The following DNPEP variants were observed in gnomAD, a reference collection of about 807,000 sequenced individuals.
DNPEP encodes the protein aspartyl aminopeptidase.
A neutral mutation model predicts 59.1 loss-of-function variants in DNPEP; 46 were observed. That is an observed-to-expected ratio of 0.78 (90% CI 0.61 to 0.99). The LOEUF (loss-of-function observed/expected upper bound fraction) is 0.99, where lower values mean the gene tolerates loss of function less well. Ranked by LOEUF, DNPEP falls within the 50% of genes least tolerant of loss-of-function variation. The pLI is 0.00. For synonymous variants in DNPEP, 229 were observed against 242.2 expected, an observed-to-expected ratio of 0.95 and a Z score of 0.50; for missense variants, 617 against 649.9, an observed-to-expected ratio of 0.95 and a Z score of 0.55.
rs77463785 is a variant in DNPEP, at chr2:219,382,084, C to T, written c.992G>A (p.Arg331Gln). 15 of 1,613,862 alleles carry T rather than the reference C, an allele frequency of 9.3e-6. No individual in the cohort carries two copies. Among genetic ancestry groups the T allele is most frequent in the African/African-American group, 6.7e-5 (5 of 75,054 alleles). The change falls in exon 11 of 15, where the codon CGG becomes CAG. Residue 331 changes from arginine (R) to glutamine (Q), a missense_variant. Physicochemically the swap from Arg to Gln is conservative, Grantham distance 43. Transcript: ENST00000273075. ...GTGCTGGCACGAGGCTGAGATCCGC[C>T]GCAGCACCAGCTCTGTCAGCAGTGA... Reference protein sequence around the residue: ...AQSLLTELVLRRISASCQHPT... With the variant: ...AQSLLTELVLQRISASCQHPT...
rs745875763 is a variant in DNPEP at position 219,386,654 on chromosome 2, G to A, written c.333+11C>T. ...ATCTCCTCCCACCCCAACACCGTCCGAGTTCCTTACCCGGAGGCAGGGGCT... is the reference window on the plus strand; with the variant it reads ...ATCTCCTCCCACCCCAACACCGTCCAAGTTCCTTACCCGGAGGCAGGGGCT... On this transcript the variant is annotated intron_variant, in intron 4 of 14. Transcript: ENST00000273075. The A allele has an allele frequency of 2.1e-5, 34 of 1,606,726 alleles. No homozygotes were observed. The highest frequency in any genetic ancestry group is 2.6e-5 in the Non-Finnish European group (31 of 1,177,070).
chr2:219,382,602 C>G (rs980519938), intron 10 of DNPEP, among the ~76,000 whole-genome samples: 1 of 152,186 alleles, frequency 6.6e-6, no homozygotes, highest in African/African-American at 2.4e-5. Context: ...GCCCTTAAAG[C>G]CAGGGGGTGT....
At chr2:219,397,458 T>C (rs1954117830) in intron 1 of DNPEP, among the ~76,000 whole-genome samples, 1 of 152,150 alleles carries the variant, frequency 6.6e-6, no homozygotes, top group Non-Finnish European at 1.5e-5. Context: ...TTCAGCCTCC[T>C]GGATTCAAGT....
At chr2:219,395,006 A>G (rs1259953122) in intron 1 of DNPEP, among the ~76,000 whole-genome samples, 1 of 151,738 alleles carries the variant, frequency 6.6e-6, no homozygotes, top group Admixed American at 6.6e-5. Flanking sequence ...CCCAGGCTGG[A>G]GTGCAGTGGT....
rs1211573258 is a variant in DNPEP at position 219,387,020 on chromosome 2, G to A, written c.131-40C>T. ...CCCTCTCACAGCGATGGAAGCTGGT[G>A]AAGGGCGCATCAGCCTCCACCCTCC... On this transcript the variant is annotated intron_variant, in intron 2 of 14. Transcript: ENST00000273075. 1.1e-5 allele frequency: 17 copies of A among 1,613,332 alleles called. No homozygotes were observed. In the Admixed American group the frequency reaches 2.7e-4, roughly 25 times the overall value.
intron 13 of DNPEP, among the ~76,000 whole-genome samples, chr2:219,378,463 G>A (rs1332000722): frequency 6.6e-6 from 1 of 152,164 alleles, no homozygotes; most frequent in Non-Finnish European, 1.5e-5. Flanking sequence ...GGCTTCCTGG[G>A]GGCAGAACAA....
At chr2:219,383,477 T>C (rs930867852) in intron 9 of DNPEP, among the ~76,000 whole-genome samples, 1 of 152,040 alleles carries the variant, frequency 6.6e-6, no homozygotes, top group Non-Finnish European at 1.5e-5. Flanking sequence ...TTTTTTCTCT[T>C]TTTTTCTTTC....
intron 10 of DNPEP, among the ~76,000 whole-genome samples, chr2:219,382,609 G>T (rs1285754435): frequency 6.6e-6 from 1 of 152,186 alleles, no homozygotes; most frequent in African/African-American, 2.4e-5. Context: ...AAGCCAGGGG[G>T]TGTCTACTGC....
Position 219,384,374 on chromosome 2 carries a change from C to T in DNPEP, c.844G>A (p.Ala282Thr), listed in dbSNP as rs1160956137. 2 of 1,610,018 alleles carry T rather than the reference C, an allele frequency of 1.2e-6. No individual in the cohort carries two copies. Among genetic ancestry groups the T allele is most frequent in the Non-Finnish European group, 1.7e-6 (2 of 1,178,228 alleles). ...GCGCCCCGGCTCCTCACCTGCAGGGCACAGAAGCAGCTGTGCAGATTGTCC... is the reference window on the plus strand; with the variant it reads ...GCGCCCCGGCTCCTCACCTGCAGGGTACAGAAGCAGCTGTGCAGATTGTCC... ...RLDNLHSCFC[A>T]LQALIDSCAG... The change falls in exon 9 of 15, where the codon GCC (alanine) becomes ACC (threonine). Residue 282 changes from alanine (A) to threonine (T), a missense_variant. Physicochemically the swap from Ala to Thr is moderately conservative, Grantham distance 58. Transcript: ENST00000273075.
intron 13 of DNPEP, among the ~76,000 whole-genome samples, chr2:219,375,836 T>C (rs1953350877): frequency 6.6e-6 from 1 of 152,170 alleles, no homozygotes. Context: ...ATTACAGGCC[T>C]GAGCTACCAC....
Position 219,373,074 on chromosome 2 carries a change from CTT to C in DNPEP, c.*1216_*1217del, listed in dbSNP as rs1043331196. On this transcript the variant is annotated 3_prime_UTR_variant, in exon 15 of 15. Coordinates refer to ENST00000273075, the MANE Select transcript of DNPEP (RefSeq NM_012100.4). ...AAGCAGGCTTTGACTTTTTCTTTTT[CTT>C]TTTTTTTTTTTGAGAGAGTTTCACC... is the stretch of plus-strand genomic sequence containing the variant. Among the ~76,000 whole-genome samples, 6 of 142,452 alleles carry C rather than the reference CTT, an allele frequency of 4.2e-5. No individual in the cohort carries two copies. The highest frequency in any genetic ancestry group is 7.0e-5 in the Admixed American group (1 of 14,236). The allele number at this position is 142,452 out of a possible 152,430, so 93.5% of individuals were successfully genotyped here. A position where few individuals can be genotyped will look rare whatever the true frequency, so the allele number is the denominator to read the frequency against.
In DNPEP at chr2:219,383,645, A is replaced by G. The variant is rs117484666; in HGVS notation, c.853-431T>C. On this transcript the variant is annotated intron_variant, in intron 9 of 14. Coordinates refer to ENST00000273075, the MANE Select transcript of DNPEP (RefSeq NM_012100.4). The stretch of plus-strand genomic sequence containing the variant: ...AAGAGCTGAGAGTCCTGGAAAGCCA[A>G]AAGGCTACACACATCACATAAACTG... Among the ~76,000 whole-genome samples, 9 of 152,256 alleles carry G rather than the reference A, an allele frequency of 5.9e-5. No individual in the cohort carries two copies. The East Asian group carries it at 1.7e-3, about 29-fold the overall frequency.
At chr2:219,379,713 G>A (rs1325368856) in intron 13 of DNPEP, among the ~76,000 whole-genome samples, 1 of 151,990 alleles carries the variant, frequency 6.6e-6, no homozygotes, top group Non-Finnish European at 1.5e-5. Context: ...ACAAGGTCAG[G>A]AGTTCGAGAC....
rs978754957 is a variant in DNPEP at position 219,385,868 on chromosome 2, T to C, written c.590+100A>G. On this transcript the variant is annotated intron_variant, in intron 6 of 14. Coordinates refer to ENST00000273075, the MANE Select transcript of DNPEP (RefSeq NM_012100.4). ...TGAGGACCCTTAGAAATTAACTGGG[T>C]CCCAAGAGTAAAATGTGACCTAATG... is the stretch of plus-strand genomic sequence containing the variant. 8.0e-5 allele frequency: 122 copies of C among 1,528,362 alleles called. No homozygotes were observed. The Middle Eastern group carries it at 8.8e-4, about 11-fold the overall frequency. The allele number at this position is 1,528,362 out of a possible 1,614,324, so 94.7% of individuals were successfully genotyped here. A position where few individuals can be genotyped will look rare whatever the true frequency, so the allele number is the denominator to read the frequency against.
In DNPEP at chr2:219,381,337, G is replaced by A. The variant is rs531274306; in HGVS notation, c.1237C>T (p.Gln413Ter). 6.2e-7 allele frequency: 1 copy of A among 1,613,584 alleles called. No individual in the cohort carries two copies. Among genetic ancestry groups the A allele is most frequent in the South Asian group, 1.1e-5 (1 of 91,062 alleles). ...TCCCAGGCAGGGCCCACCCTCACCTGCAGGGGGACCTTGACTTTGTTGGCC... is the reference window on the plus strand; with the variant it reads ...TCCCAGGCAGGGCCCACCCTCACCTACAGGGGGACCTTGACTTTGTTGGCC... Reference protein sequence around the residue: ...EVANKVKVPLQDLMVRNDTPC... With the variant: ...EVANKVKVPL Residue 413 changes from glutamine to a stop codon, truncating the protein, a stop_gained and splice_region_variant, in exon 13 of 15, where the codon CAG becomes TAG. Transcript: ENST00000273075. LOFTEE classifies it high-confidence loss of function.
At chr2:219,392,385 T>C (rs1304031772), upstream of DNPEP, among the ~76,000 whole-genome samples, 1 of 152,112 alleles carries the variant, frequency 6.6e-6, no homozygotes, top group Admixed American at 6.5e-5. Flanking sequence ...CTCGCTCTGT[T>C]GCCCAAGCTA....
chr2:219,375,099 G>A (rs921849568), intron 13 of DNPEP, 77 bp from the exon 14 acceptor site: 7 of 1,510,332 alleles, frequency 4.6e-6, no homozygotes, highest in Non-Finnish European at 5.5e-6. Context: ...TCTTAGAATT[G>A]CAGGGTGGGA....
In DNPEP at chr2:219,384,410, C is replaced by G. The variant is rs1953723271; in HGVS notation, c.808G>C (p.Ala270Pro). 1 of 1,611,798 alleles carries G rather than the reference C, an allele frequency of 6.2e-7. No individual in the cohort carries two copies. The highest frequency in any genetic ancestry group is 1.3e-5 in the African/African-American group (1 of 74,810). The change falls in exon 9 of 15, where the codon GCT becomes CCT. Residue 270 changes from alanine to proline, a missense_variant. Transcript: ENST00000273075. ...CTGTGCAGATTGTCCAGCCGAGGAG[C>G]AAAGATGAACTCATCATAGGCACCA... ...LGGAYDEFIF[A>P]PRLDNLHSCF...
chr2:219,374,922 A>G lies in DNPEP; in HGVS notation c.1340T>C (p.Leu447Pro), dbSNP rs1355200346. The G allele has an allele frequency of 1.2e-6, 2 of 1,614,216 alleles. No homozygotes were observed. Among genetic ancestry groups the G allele is most frequent in the Non-Finnish European group, 1.7e-6 (2 of 1,180,044 alleles). The change falls in exon 14 of 15, where the codon CTG (leucine) becomes CCG (proline). Residue 447 changes from leucine to proline, a missense_variant. Physicochemically the swap from Leu to Pro is moderately conservative, Grantham distance 98. Coordinates refer to ENST00000273075, the MANE Select transcript of DNPEP (RefSeq NM_012100.4). ...LRVLDLGSPQ[L>P]AMHSIREMAC... is the part of the protein sequence containing the mutation. ...CATCTCCCGGATAGAGTGCATGGCC[A>G]GTTGGGGGCTGCCTAAATCCAGCAC...
Sources: allele counts gnomAD v4.1 joint callset (sites outside exome capture counted in the v4.1 genomes callset), GRCh38; gene constraint gnomAD v4.1.1; transcripts MANE v1.5; gene names NCBI Gene and HGNC (gene_info 2026-07-23, HGNC 2026-07-21).